The following ZNF268 variants were observed in gnomAD, a reference collection of about 807,000 sequenced individuals.
ZNF268 encodes zinc finger protein 3.
A neutral mutation model predicts 29.3 loss-of-function variants in ZNF268; 20 were observed. The observed-to-expected ratio is 0.68, with a 90% CI of 0.48 to 0.99. The LOEUF (loss-of-function observed/expected upper bound fraction) is 0.99. Ranked by LOEUF, ZNF268 falls within the 50% of genes least tolerant of loss-of-function variation. The pLI, the probability that ZNF268 is intolerant of heterozygous loss-of-function variation, is 0.00. For synonymous variants in ZNF268, 429 were observed against 376.9 expected, an observed-to-expected ratio of 1.14 and a Z score of -1.60; for missense variants, 1,240 against 1,121.6, an observed-to-expected ratio of 1.11 and a Z score of -1.51.
chr12:133,186,999 A>G (rs1019063728), intron 2 of ZNF268, among the ~76,000 whole-genome samples: 1 of 152,208 alleles, frequency 6.6e-6, no homozygotes, highest in Non-Finnish European at 1.5e-5. Context: ...ATAGTGGTAC[A>G]TAGAGGTTGT....
rs935685281 is a variant in ZNF268 at position 133,212,785 on chromosome 12, G to A, written c.*8255G>A. 1 of 151,876 alleles carries A rather than the reference G, an allele frequency of 6.6e-6. No individual in the cohort carries two copies. The highest frequency in any genetic ancestry group is 2.4e-5 in the African/African-American group (1 of 41,346). 9.4% of individuals were successfully genotyped at this position (151,876 alleles called of 1,614,324 possible). ...ACTCACTGCAGCCCCAACCTCCTGGGCTCAAGGGATCCTTCCACCTCAGCC... is the reference window on the plus strand; with the variant it reads ...ACTCACTGCAGCCCCAACCTCCTGGACTCAAGGGATCCTTCCACCTCAGCC... On this transcript the variant is annotated 3_prime_UTR_variant, in exon 6 of 6. Coordinates refer to ENST00000536435, the MANE Select transcript of ZNF268 (RefSeq NM_003415.3).
At position 133,214,455 on chromosome 12, in the gene ZNF268, A is replaced by G. The variant is rs572174653; in HGVS notation, c.*9925A>G. 145 of 152,340 alleles carry G rather than the reference A, an allele frequency of 9.5e-4. No individual in the cohort carries two copies. The highest frequency in any genetic ancestry group is 3.0e-3 in the African/African-American group (124 of 41,550). The allele number at this position is 152,340 out of a possible 1,614,324, so 9.4% of individuals were successfully genotyped here. A position where few individuals can be genotyped will look rare whatever the true frequency, so the allele number is the denominator to read the frequency against. ...GAGGCTGAGGTGGGAGGGTCGCTTG[A>G]GCCTGGGAGTTCAAGTCCAGTCTGG... On this transcript the variant is annotated 3_prime_UTR_variant, in exon 6 of 6. Transcript: ENST00000536435.
In ZNF268 at chr12:133,209,633, G is replaced by T. The variant is rs911719034; in HGVS notation, c.*5103G>T. On this transcript the variant is annotated 3_prime_UTR_variant, in exon 6 of 6. Coordinates refer to ENST00000536435, the MANE Select transcript of ZNF268 (RefSeq NM_003415.3). ...GTGGATGACTTGAGGTCAGGAGTTC[G>T]AGACCAGCCTGGTGAAACCCCGTCT... The T allele has an allele frequency of 1.3e-5, 2 of 152,016 alleles. No homozygotes were observed. Among genetic ancestry groups the T allele is most frequent in the Non-Finnish European group, 2.9e-5 (2 of 68,008 alleles). The allele number at this position is 152,016 out of a possible 1,614,324, so 9.4% of individuals were successfully genotyped here.
chr12:133,184,597 C>G, intron 2 of ZNF268: 1 of 360,698 alleles, frequency 2.8e-6, no homozygotes. Context: ...TATTAAAAGG[C>G]CGCACCTCTT....
At chr12:133,200,302 G>A (rs1956720738) in intron 5 of ZNF268, among the ~76,000 whole-genome samples, 1 of 152,178 alleles carries the variant, frequency 6.6e-6, no homozygotes, top group Admixed American at 6.5e-5. Context: ...AGTCATTCAG[G>A]AGCAGGTTGT....
At chr12:133,185,453 C>T (rs979772972) in intron 2 of ZNF268, among the ~76,000 whole-genome samples, 23 of 150,680 alleles carry the variant, frequency 1.5e-4, no homozygotes, top group African/African-American at 5.2e-4. Flanking sequence ...AACACAGGTG[C>T]AGAGGCCAGA....
At chr12:133,184,211 T>C (rs2135482004) in intron 2 of ZNF268, among the ~76,000 whole-genome samples, 1 of 152,094 alleles carries the variant, frequency 6.6e-6, no homozygotes, top group Non-Finnish European at 1.5e-5. Context: ...GTTCAAGTGA[T>C]TCCCCTGCCT....
At position 133,202,245 on chromosome 12, in the gene ZNF268, C is replaced by G. The variant is rs147116068; in HGVS notation, c.559C>G (p.Leu187Val). The G allele has an allele frequency of 7.4e-6, 12 of 1,612,218 alleles. 1 individual carries two copies. Among genetic ancestry groups the G allele is most frequent in the South Asian group, 4.4e-5 (4 of 90,808 alleles). Residue 187 changes from leucine (L) to valine (V), a missense_variant, in exon 6 of 6, where the codon CTA becomes GTA. Leu to Val is a conservative substitution (Grantham distance 32). This residue lies in a region of ZNF268 where 1,177 missense variants were observed against 1,039.6 expected (regional missense o/e 1.13). Transcript: ENST00000536435. ...CTTTGAATGCACTACATTTGGAAAACTATGTCTTCTTAGTACAAAGTATCT... is the reference window on the plus strand; with the variant it reads ...CTTTGAATGCACTACATTTGGAAAAGTATGTCTTCTTAGTACAAAGTATCT... ...KSFECTTFGK[L>V]CLLSTKYLSR... is the part of the protein sequence containing the mutation.
At position 133,204,215 on chromosome 12, in the gene ZNF268, A is replaced by G. The variant is rs1316691251; in HGVS notation, c.2529A>G (p.Lys843=). 8 of 1,541,076 alleles carry G rather than the reference A, an allele frequency of 5.2e-6. No homozygotes were observed. Among genetic ancestry groups the G allele is most frequent in the Non-Finnish European group, 7.0e-6 (8 of 1,147,520 alleles). Reference sequence around the variant, plus strand: ...CTTATAAATGCAGTCAATGTGAGAAATCCTTCAGTGGGAAATTACGCCTTC... The same window carrying G: ...CTTATAAATGCAGTCAATGTGAGAAGTCCTTCAGTGGGAAATTACGCCTTC... ...VNPYKCSQCE[K]SFSGKLRLLV... The change falls in exon 6 of 6, where the codon AAA becomes AAG. Residue 843 remains lysine, a synonymous_variant. Transcript: ENST00000536435.
rs1161472434 is a variant in ZNF268, at chr12:133,213,168, T to C, written c.*8638T>C. 6.6e-6 allele frequency: 1 copy of C among 152,186 alleles called. No homozygotes were observed. The highest frequency in any genetic ancestry group is 6.5e-5 in the Admixed American group (1 of 15,270). 9.4% of individuals were successfully genotyped at this position (152,186 alleles called of 1,614,324 possible). A position where few individuals can be genotyped will look rare whatever the true frequency, so the allele number is the denominator to read the frequency against. ...CTGCACTTGGCCTCCATATTTTTTA[T>C]AATAGCCACTCTAACATGTATGAAA... On this transcript the variant is annotated 3_prime_UTR_variant, in exon 6 of 6. Transcript: ENST00000536435.
chr12:133,196,534 C>T (rs1317244391), intron 5 of ZNF268, among the ~76,000 whole-genome samples: 1 of 151,990 alleles, frequency 6.6e-6, no homozygotes, highest in Non-Finnish European at 1.5e-5. Flanking sequence ...GGTGTGTTAC[C>T]AGCACCAGAA....
At position 133,212,132 on chromosome 12, in the gene ZNF268, C is replaced by T. The variant is rs145267320; in HGVS notation, c.*7602C>T. The T allele has an allele frequency of 1.1e-4, 16 of 152,206 alleles. 1 individual carries two copies. In the East Asian group the frequency reaches 2.9e-3, roughly 28 times the overall value. 9.4% of individuals were successfully genotyped at this position (152,206 alleles called of 1,614,324 possible). ...ACCAGTGTGAAAAGGCTGTATGATC[C>T]TATTTCTATGATGTTATGGAAAAGC... On this transcript the variant is annotated 3_prime_UTR_variant, in exon 6 of 6. Coordinates refer to ENST00000536435, the MANE Select transcript of ZNF268 (RefSeq NM_003415.3).
At chr12:133,192,651 C>G (rs889245501) in intron 5 of ZNF268, among the ~76,000 whole-genome samples, 3 of 152,064 alleles carry the variant, frequency 2.0e-5, no homozygotes, top group Admixed American at 6.6e-5. Context: ...GATTCTACCC[C>G]TTTTGTGCTT....
Position 133,206,589 on chromosome 12 carries a change from T to C in ZNF268, c.*2059T>C, listed in dbSNP as rs946024646. 2.6e-5 allele frequency: 4 copies of C among 152,194 alleles called. No individual in the cohort carries two copies. Among genetic ancestry groups the C allele is most frequent in the Admixed American group, 6.5e-5 (1 of 15,280 alleles). 9.4% of individuals were successfully genotyped at this position (152,194 alleles called of 1,614,324 possible). ...GACCCTGCCAGTTAGATTAGGGCTA[T>C]CTTGGAGGAATATGCGGATTCAATA... On this transcript the variant is annotated 3_prime_UTR_variant, in exon 6 of 6. Coordinates refer to ENST00000536435, the MANE Select transcript of ZNF268 (RefSeq NM_003415.3).
rs1288613914 is a variant in ZNF268 at position 133,205,162 on chromosome 12, A to G, written c.*632A>G. ...TTCATTCTAAAAAAAAAAAAAAAAAAAAAAAAAAAAACCAACCTGTTATTA... is the reference window on the plus strand; with the variant it reads ...TTCATTCTAAAAAAAAAAAAAAAAAGAAAAAAAAAAACCAACCTGTTATTA... On this transcript the variant is annotated 3_prime_UTR_variant, in exon 6 of 6. Coordinates refer to ENST00000536435, the MANE Select transcript of ZNF268 (RefSeq NM_003415.3). The G allele has an allele frequency of 2.9e-5, 4 of 137,968 alleles. No homozygotes were observed. Among genetic ancestry groups the G allele is most frequent in the African/African-American group, 1.1e-4 (4 of 37,566 alleles). The allele number at this position is 137,968 out of a possible 1,614,324, so 8.5% of individuals were successfully genotyped here.
At chr12:133,188,575 C>T (rs1322145607) in intron 3 of ZNF268, among the ~76,000 whole-genome samples, 1 of 152,122 alleles carries the variant, frequency 6.6e-6, no homozygotes, top group Non-Finnish European at 1.5e-5. Context: ...TCCTCATACT[C>T]AATTTTCATC....
In ZNF268 at chr12:133,207,664, A is replaced by G. The variant is rs929714637; in HGVS notation, c.*3134A>G. 6.6e-6 allele frequency: 1 copy of G among 152,098 alleles called. No individual in the cohort carries two copies. Among genetic ancestry groups the G allele is most frequent in the African/African-American group, 2.4e-5 (1 of 41,410 alleles). The allele number at this position is 152,098 out of a possible 1,614,324, so 9.4% of individuals were successfully genotyped here. The stretch of plus-strand genomic sequence containing the variant: ...TCTACTAAAAATACAAAAAAATAGC[A>G]GGGCATGGTAACTGACACCTATAAT... On this transcript the variant is annotated 3_prime_UTR_variant, in exon 6 of 6. Transcript: ENST00000536435.
chr12:133,193,620 T>C, intron 5 of ZNF268: 1 of 516,214 alleles, frequency 1.9e-6, no homozygotes, highest in South Asian at 2.8e-5. Flanking sequence ...AATCCATTCA[T>C]GAGGGCACAA....
In ZNF268 at chr12:133,202,526, T is replaced by C. The variant is rs753783783; in HGVS notation, c.840T>C (p.Cys280=). Residue 280 remains cysteine, a synonymous_variant, in exon 6 of 6, where the codon TGT becomes TGC. Coordinates refer to ENST00000536435, the MANE Select transcript of ZNF268 (RefSeq NM_003415.3). ...YMGEKPFGCS[C]CEKAFSSKSY... ...GCGAAAAACCCTTTGGATGCAGCTG[T>C]TGTGAGAAAGCCTTCAGCAGCAAGT... 1.9e-6 allele frequency: 3 copies of C among 1,612,098 alleles called. No individual in the cohort carries two copies. The African/African-American group carries it at 4.0e-5, about 22-fold the overall frequency.
Sources: gnomAD v4.1 joint callset for allele counts (sites outside exome capture counted in the v4.1 genomes callset) on GRCh38, gnomAD v4.1.1 for gene constraint, gnomAD v4.1.1 regional missense constraint, MANE v1.5 for transcripts, NCBI Gene and HGNC (gene_info 2026-07-23, HGNC 2026-07-21) for gene names.